The following TNIP3 variants were observed in gnomAD, a reference collection of about 807,000 sequenced individuals.
The protein encoded by TNIP3 is TNFAIP3 interacting protein 3.
TNIP3 carries 34 observed loss-of-function variants against 54.1 expected under a neutral mutation model. That is an observed-to-expected ratio of 0.63 (90% confidence interval 0.48 to 0.84). The LOEUF (loss-of-function observed/expected upper bound fraction) is 0.84, where lower values mean the gene tolerates loss of function less well. Ranked by LOEUF, TNIP3 falls within the 40% of genes least tolerant of loss-of-function variation. TNIP3 has a pLI of 0.00. For synonymous variants in TNIP3, 134 were observed against 136.8 expected (o/e 0.98, Z 0.14); for missense variants, 366 against 387.6 (o/e 0.94, Z 0.47).
At chr4:121,220,878 G>A (rs181567762), upstream of TNIP3, among the ~76,000 whole-genome samples, 5 of 152,026 alleles carry the variant, frequency 3.3e-5, no homozygotes, top group South Asian at 2.1e-4. Flanking sequence ...AGAGCAATAC[G>A]TTCAGTCAAG....
Position 121,203,216 on chromosome 4 carries a change from T to TATAGATAGATAG in TNIP3, c.68+13187_68+13198dup, listed in dbSNP as rs148903658. ...CAATGAGTGGATAAAGAAAATGTGATATAGATAGATAGATAGATAGATAGA... is the reference window on the plus strand; with the variant it reads ...CAATGAGTGGATAAAGAAAATGTGATATAGATAGATAGATAGATAGATAGATAGATAGATAGA... On this transcript the variant is annotated intron_variant, in intron 2 of 12. Transcript: ENST00000507879. Among the ~76,000 whole-genome samples, 1,342 of 147,058 alleles carry TATAGATAGATAG rather than the reference T, an allele frequency of 9.1e-3. 9 individuals are homozygous for TATAGATAGATAG. Among genetic ancestry groups the TATAGATAGATAG allele is most frequent in the East Asian group, 0.015 (76 of 4,930 alleles).
rs936333173 is a variant in TNIP3 at position 121,164,229 on chromosome 4, C to T, written c.-104G>A. ...GAGCAAGTATACAAAATTTAAAAAA[C>T]ACACATCACCGTTAACTCATAATAG... On this transcript the variant is annotated 5_prime_UTR_variant, in exon 1 of 11. Coordinates refer to ENST00000057513, the MANE Select transcript of TNIP3 (RefSeq NM_024873.6). The T allele has an allele frequency of 5.1e-6, 8 of 1,570,436 alleles. No homozygotes were observed. The highest frequency in any genetic ancestry group is 1.4e-5 in the African/African-American group (1 of 73,322).
At chr4:121,139,280 T>C (rs1728970795) in intron 9 of TNIP3, among the ~76,000 whole-genome samples, 1 of 152,218 alleles carries the variant, frequency 6.6e-6, no homozygotes, top group Non-Finnish European at 1.5e-5. Context: ...GATTTTTCTC[T>C]TGGGATTTTC....
upstream of TNIP3, among the ~76,000 whole-genome samples, chr4:121,167,963 A>AT (rs1192038188): frequency 2.0e-5 from 3 of 151,934 alleles, no homozygotes; most frequent in Non-Finnish European, 4.4e-5. Context: ...TTAGTTTATG[A>AT]TTTTCCCTGC....
At position 121,164,320 on chromosome 4, in the gene TNIP3, A is replaced by G. The variant is rs1730640361; in HGVS notation, c.-195T>C. On this transcript the variant is annotated 5_prime_UTR_variant, in exon 1 of 11. Coordinates refer to ENST00000057513, the MANE Select transcript of TNIP3 (RefSeq NM_024873.6). ...TGACTGTGGATAGGAATTACACAGA[A>G]TAAAGTTATAAGCACTGCAACTGGG... The G allele has an allele frequency of 2.2e-6, 3 of 1,392,120 alleles. No homozygotes were observed. The highest frequency in any genetic ancestry group is 2.8e-6 in the Non-Finnish European group (3 of 1,074,982). 86.2% of individuals were successfully genotyped at this position (1,392,120 alleles called of 1,614,324 possible).
chr4:121,204,221 G>A (rs1186916091), intron 2 of TNIP3, among the ~76,000 whole-genome samples: 1 of 152,116 alleles, frequency 6.6e-6, no homozygotes, highest in Non-Finnish European at 1.5e-5. Context: ...GGGCAAACCT[G>A]CTTCCCAATC....
intron 2 of TNIP3, among the ~76,000 whole-genome samples, chr4:121,202,134 G>A (rs1725926012): frequency 6.6e-6 from 1 of 152,084 alleles, no homozygotes; most frequent in African/African-American, 2.4e-5. Context: ...GAATCTGGAG[G>A]CATCACAATA....
chr4:121,153,548 T>C (rs1163702318), intron 5 of TNIP3, among the ~76,000 whole-genome samples: 1 of 152,220 alleles, frequency 6.6e-6, no homozygotes, highest in African/African-American at 2.4e-5. Flanking sequence ...GGTTTTTCTG[T>C]CTTAGAGGAT....
At chr4:121,145,391 AAGGC>A (rs1579380992) in intron 7 of TNIP3, among the ~76,000 whole-genome samples, 1 of 152,138 alleles carries the variant, frequency 6.6e-6, no homozygotes, top group East Asian at 1.9e-4. Flanking sequence ...CTTTAGGTTC[AAGGC>A]AGAATTATAC....
chr4:121,218,965 C>G (rs778751974), upstream of TNIP3, among the ~76,000 whole-genome samples: 3 of 152,140 alleles, frequency 2.0e-5, no homozygotes, highest in Non-Finnish European at 4.4e-5. Context: ...TTTGGGAGGC[C>G]GAGGCAGGTG....
chr4:121,147,474 C>T (rs1729499426), intron 6 of TNIP3, among the ~76,000 whole-genome samples: 1 of 152,154 alleles, frequency 6.6e-6, no homozygotes, highest in Admixed American at 6.5e-5. Context: ...AGAAATGAAA[C>T]CCTTACATAT....
intron 7 of TNIP3, among the ~76,000 whole-genome samples, chr4:121,144,470 C>T (rs1042585456): frequency 6.6e-6 from 1 of 152,150 alleles, no homozygotes; most frequent in African/African-American, 2.4e-5. Context: ...GGCCCAATCT[C>T]GGCTCACTGC....
intron 8 of TNIP3, 82 bp from the exon 9 acceptor site, chr4:121,141,996 G>T (rs940974917): frequency 1.0e-5 from 9 of 895,092 alleles, no homozygotes; most frequent in South Asian, 7.9e-5. Flanking sequence ...CAAAAGGTTT[G>T]GTTTCAATCT....
At chr4:121,171,580 T>C (rs2148821522) in intron 3 of TNIP3, among the ~76,000 whole-genome samples, 1 of 152,154 alleles carries the variant, frequency 6.6e-6, no homozygotes, top group East Asian at 1.9e-4. Context: ...GAAGAGTCAG[T>C]GTAACCTGTC....
chr4:121,165,408 T>C (rs144055687), upstream of TNIP3, among the ~76,000 whole-genome samples: 376 of 152,210 alleles, frequency 2.5e-3, 2 homozygotes, highest in African/African-American at 8.4e-3. Flanking sequence ...TCCAACCTTA[T>C]GACGGGGAAA....
chr4:121,213,502 G>A (rs1278830161), intron 2 of TNIP3, among the ~76,000 whole-genome samples: 2 of 152,070 alleles, frequency 1.3e-5, no homozygotes, highest in African/African-American at 4.8e-5. Context: ...CGAGGCGGGT[G>A]GATCATGAGG....
intron 3 of TNIP3, among the ~76,000 whole-genome samples, chr4:121,173,917 C>T (rs1056465546): frequency 6.6e-6 from 1 of 152,196 alleles, no homozygotes; most frequent in Non-Finnish European, 1.5e-5. Context: ...AGGCGTGAGC[C>T]ATTGCACCTG....
chr4:121,138,683 G>T lies in TNIP3; in HGVS notation c.887C>A (p.Pro296Gln), dbSNP rs768032851. ...GTCAAGAGCATACCACTGATAGTCT[G>T]GCTGTGTGGAACAATACAACATTAT... Reference protein sequence around the residue: ...GAVQKQREHPPDYQWYALDQL... With the variant: ...GAVQKQREHPQDYQWYALDQL... Residue 296 changes from proline (P) to glutamine (Q), a missense_variant and splice_region_variant, in exon 10 of 11, where the codon CCA (proline) becomes CAA (glutamine). By Grantham distance (76) the Pro-to-Gln change is moderately conservative. Transcript: ENST00000057513. The T allele has an allele frequency of 6.2e-7, 1 of 1,613,618 alleles. No homozygotes were observed. The highest frequency in any genetic ancestry group is 8.5e-7 in the Non-Finnish European group (1 of 1,179,560).
chr4:121,194,293 T>C (rs1386529514), intron 2 of TNIP3, among the ~76,000 whole-genome samples: 1 of 152,176 alleles, frequency 6.6e-6, no homozygotes. Context: ...GTGCACGTCT[T>C]AAAAATTTTT....
Sources: gnomAD v4.1 joint callset for allele counts (sites outside exome capture counted in the v4.1 genomes callset) on GRCh38, gnomAD v4.1.1 for gene constraint, MANE v1.5 for transcripts, NCBI Gene and HGNC (gene_info 2026-07-23, HGNC 2026-07-21) for gene names.